The following IL1RAPL2 variants were observed in gnomAD, a reference collection of about 807,000 sequenced individuals.
IL1RAPL2 encodes X-linked interleukin-1 receptor accessory protein-like 2.
A neutral mutation model predicts 44.1 loss-of-function variants in IL1RAPL2; 3 were observed. That is an observed-to-expected ratio of 0.07 (90% CI 0.03 to 0.18). The LOEUF is 0.18. Among genes scored for constraint, IL1RAPL2 ranks in the 10% least tolerant of loss-of-function variants. IL1RAPL2 has a pLI of 1.00. For synonymous variants in IL1RAPL2, 181 were observed against 178.8 expected, an observed-to-expected ratio of 1.01 and a Z score of -0.10; for missense variants, 391 against 496.4, an observed-to-expected ratio of 0.79 and a Z score of 2.02.
chrX:105,551,210 C>A (rs1036747354), intron 6 of IL1RAPL2, among the ~76,000 whole-genome samples: 1 of 108,599 alleles, frequency 9.2e-6, no homozygotes, highest in Non-Finnish European at 1.9e-5. Context: ...TTTCAGGATC[C>A]CATTATGTCT....
intron 2 of IL1RAPL2, among the ~76,000 whole-genome samples, chrX:104,950,699 GTTTGTT>G (rs1269034757): frequency 0.056 from 5,536 of 98,929 alleles, 401 homozygotes; most frequent in African/African-American, 0.19. Flanking sequence ...TTGTTTGTTT[GTTTGTT>G]TTTGTTTTTG....
chrX:105,704,656 C>G, intron 6 of IL1RAPL2, among the ~76,000 whole-genome samples: 1 of 111,039 alleles, frequency 9.0e-6, no homozygotes, highest in African/African-American at 3.3e-5. Flanking sequence ...GGTACATGTG[C>G]TGGATGTGCA....
At chrX:105,560,009 C>T (rs181160964) in intron 6 of IL1RAPL2, among the ~76,000 whole-genome samples, 34 of 111,746 alleles carry the variant, frequency 3.0e-4, no homozygotes, top group Middle Eastern at 4.6e-3. Flanking sequence ...CACCAGACAC[C>T]GTCTTGACCT....
intron 6 of IL1RAPL2, among the ~76,000 whole-genome samples, chrX:105,514,856 A>G (rs2036500054): frequency 1.8e-5 from 2 of 112,073 alleles, no homozygotes; most frequent in Non-Finnish European, 3.8e-5. Flanking sequence ...TGTTTAAAAC[A>G]TTAACTTTTG....
In IL1RAPL2 at chrX:104,906,765, G is replaced by C. The variant is rs375032335; in HGVS notation, c.82+247770G>C. Among the ~76,000 whole-genome samples the C allele has an allele frequency of 3.4e-4, 38 of 111,667 alleles. 1 individual carries two copies. In the South Asian group the frequency reaches 8.8e-3, roughly 26 times the overall value. ...TCATCAAGGATATTGGTCTAAAATT[G>C]TCTTTTTTGGTTGTGTCTCTGCCTG... On this transcript the variant is annotated intron_variant, in intron 2 of 10. Coordinates refer to ENST00000372582, the MANE Select transcript of IL1RAPL2 (RefSeq NM_017416.2).
chrX:105,750,810 C>A (rs1371264967), intron 9 of IL1RAPL2, among the ~76,000 whole-genome samples: 2 of 110,176 alleles, frequency 1.8e-5, no homozygotes, highest in African/African-American at 6.6e-5. Context: ...ACCCTCAGTT[C>A]TTCCTCTATA....
chrX:105,443,317 A>C (rs2035933316), intron 5 of IL1RAPL2, among the ~76,000 whole-genome samples: 1 of 111,213 alleles, frequency 9.0e-6, no homozygotes, highest in Admixed American at 9.6e-5. Context: ...TTGGATATCC[A>C]CCCCTCCAGC....
chrX:104,624,041 T>C (rs770701499), intron 1 of IL1RAPL2, among the ~76,000 whole-genome samples: 34 of 112,072 alleles, frequency 3.0e-4, no homozygotes, highest in Non-Finnish European at 5.8e-4. Flanking sequence ...TTCATGTGTA[T>C]CCATCTCATC....
intron 1 of IL1RAPL2, among the ~76,000 whole-genome samples, chrX:104,637,968 A>C (rs1929858112): frequency 9.0e-6 from 1 of 110,979 alleles, no homozygotes; most frequent in African/African-American, 3.3e-5. Flanking sequence ...GTTTGGTAGA[A>C]CTTGGCAGTA....
intron 5 of IL1RAPL2, among the ~76,000 whole-genome samples, chrX:105,369,835 G>A (rs59321945): frequency 0.15 from 16,217 of 110,285 alleles, 2,943 homozygotes; most frequent in African/African-American, 0.51. Flanking sequence ...TATTGCTGGA[G>A]CAAGCCAGGG....
At chrX:104,878,722 A>G (rs1922978094) in intron 2 of IL1RAPL2, among the ~76,000 whole-genome samples, 1 of 112,037 alleles carries the variant, frequency 8.9e-6, no homozygotes, top group African/African-American at 3.2e-5. Context: ...TGCAATTCAG[A>G]AATACCTTAT....
At chrX:105,622,843 C>A (rs2037429496) in intron 6 of IL1RAPL2, among the ~76,000 whole-genome samples, 1 of 111,184 alleles carries the variant, frequency 9.0e-6, no homozygotes, top group African/African-American at 3.3e-5. Context: ...AATACATCTA[C>A]CACTGTCCAC....
chrX:105,068,475 A>C (rs2032166037), intron 2 of IL1RAPL2, among the ~76,000 whole-genome samples: 3 of 111,998 alleles, frequency 2.7e-5, no homozygotes, highest in Non-Finnish European at 5.6e-5. Context: ...CAAGGTCTCT[A>C]CCAGTATAAA....
chrX:105,210,075 C>T (rs2033796128), intron 3 of IL1RAPL2, among the ~76,000 whole-genome samples: 1 of 110,283 alleles, frequency 9.1e-6, no homozygotes. Context: ...CACTGTCCCA[C>T]CACCACCCTG....
chrX:105,765,959 G>A (rs1311636766), intron 10 of IL1RAPL2, among the ~76,000 whole-genome samples: 1 of 112,270 alleles, frequency 8.9e-6, no homozygotes, highest in South Asian at 3.7e-4. Context: ...GTTCTGCTTC[G>A]TAAAGACAGC....
chrX:105,114,960 T>C (rs1463793944), intron 2 of IL1RAPL2, among the ~76,000 whole-genome samples: 1 of 111,903 alleles, frequency 8.9e-6, no homozygotes, highest in Non-Finnish European at 1.9e-5. Context: ...ACCTGGCACA[T>C]GATAGAAGTT....
chrX:105,318,744 T>C (rs2147686215), intron 5 of IL1RAPL2, among the ~76,000 whole-genome samples: 1 of 111,478 alleles, frequency 9.0e-6, no homozygotes, highest in African/African-American at 3.3e-5. Flanking sequence ...GAACTGTTTA[T>C]TGAATAAGCA....
chrX:105,543,722 A>G (rs1480349715), intron 6 of IL1RAPL2, among the ~76,000 whole-genome samples: 2 of 112,182 alleles, frequency 1.8e-5, no homozygotes, highest in Non-Finnish European at 3.8e-5. Context: ...TGGTACCTTA[A>G]TCAAAAATTC....
intron 2 of IL1RAPL2, among the ~76,000 whole-genome samples, chrX:104,672,541 A>C (rs1279034947): frequency 1.5e-4 from 15 of 103,380 alleles, no homozygotes; most frequent in African/African-American, 4.6e-4. Context: ...ATTGTGAATA[A>C]TGCCGCAATA....
Sources: allele counts gnomAD v4.1 joint callset (sites outside exome capture counted in the v4.1 genomes callset), GRCh38; gene constraint gnomAD v4.1.1; transcripts MANE v1.5; gene names NCBI Gene and HGNC (gene_info 2026-07-23, HGNC 2026-07-21).